The following CACNA1D variants were observed in gnomAD, a reference collection of about 807,000 sequenced individuals.
CACNA1D encodes the protein voltage-dependent L-type calcium channel subunit alpha-1D.
Under a neutral mutation model 257.1 loss-of-function variants are expected in CACNA1D, and 55 were observed. The ratio of observed to expected loss-of-function variants is 0.21; its 90% confidence interval spans 0.17 to 0.27. CACNA1D has a LOEUF of 0.27. Among genes scored for constraint, CACNA1D ranks in the 10% least tolerant of loss-of-function variants. The pLI is 1.00. For missense variants in CACNA1D, 1,876 were observed against 2,784.0 expected (o/e 0.67, Z 7.34); for synonymous variants, 980 against 1,014.9 (o/e 0.97, Z 0.65).
intron 8 of CACNA1D, among the ~76,000 whole-genome samples, chr3:53,682,556 TAAA>T (rs56756710): frequency 6.9e-6 from 1 of 144,106 alleles, no homozygotes. Flanking sequence ...GACCCTGTCT[TAAA>T]AAAAAAAAAG....
At position 53,723,716 on chromosome 3, in the gene CACNA1D, C is replaced by T; in HGVS notation, c.1892+57C>T. On this transcript the variant is annotated intron_variant, in intron 13 of 47. Transcript: ENST00000350061. The surrounding 1 kb of genome is among the most constrained non-coding windows in gnomAD (Gnocchi z 5.6). ...TTATGAACATGAGGCGGCAACCAGT[C>T]ACATCCCCGGGCAGGTGATGTTCTG... 1 of 1,582,968 alleles carries T rather than the reference C, an allele frequency of 6.3e-7. No individual in the cohort carries two copies. The highest frequency in any genetic ancestry group is 1.3e-5 in the African/African-American group (1 of 74,400).
At chr3:53,681,111 A>T (rs1020535508) in intron 8 of CACNA1D, among the ~76,000 whole-genome samples, 3 of 152,234 alleles carry the variant, frequency 2.0e-5, no homozygotes, top group African/African-American at 7.2e-5. Context: ...GTGAGATGAG[A>T]GGCATGGAAT....
chr3:53,584,998 G>C (rs975196068), intron 3 of CACNA1D, among the ~76,000 whole-genome samples: 1 of 150,980 alleles, frequency 6.6e-6, no homozygotes, highest in Non-Finnish European at 1.5e-5. Flanking sequence ...AGCTTAATTC[G>C]TGCCTTTTCT....
intron 15 of CACNA1D, among the ~76,000 whole-genome samples, chr3:53,727,517 G>C (rs1330762226): frequency 1.3e-5 from 2 of 152,166 alleles, no homozygotes; most frequent in African/African-American, 4.8e-5. Flanking sequence ...AAATCATGCT[G>C]CATAACTTCT....
At chr3:53,556,039 C>T (rs2092639667) in intron 3 of CACNA1D, among the ~76,000 whole-genome samples, 1 of 152,180 alleles carries the variant, frequency 6.6e-6, no homozygotes, top group South Asian at 2.1e-4. Flanking sequence ...ATAGTTTTGT[C>T]ATTTCCAGAA....
intron 14 of CACNA1D, among the ~76,000 whole-genome samples, chr3:53,726,182 G>A (rs2094932807): frequency 6.6e-6 from 1 of 151,692 alleles, no homozygotes. Flanking sequence ...ACTTTGCATA[G>A]CATGATATCC....
chr3:53,515,316 G>A (rs2107283374), intron 3 of CACNA1D, among the ~76,000 whole-genome samples: 1 of 152,256 alleles, frequency 6.6e-6, no homozygotes, highest in East Asian at 1.9e-4. Context: ...AGGAAATAAA[G>A]CAGGAGCTAA....
Position 53,808,452 on chromosome 3 carries a change from A to AC in CACNA1D, c.5750-196dup. ...AAGTAGTAAGTTTGTACTTTAAAAA[A>AC]CATCCCTCACTGGGGCTTCTGCCTT... On this transcript the variant is annotated intron_variant, in intron 45 of 47. Transcript: ENST00000350061. 10 of 624,402 alleles carry AC rather than the reference A, an allele frequency of 1.6e-5. No homozygotes were observed. In the South Asian group the frequency reaches 1.9e-4, roughly 12 times the overall value. 38.7% of individuals were successfully genotyped at this position (624,402 alleles called of 1,614,324 possible). A position where few individuals can be genotyped will look rare whatever the true frequency, so the allele number is the denominator to read the frequency against.
chr3:53,540,363 CAA>C (rs2092265378), intron 3 of CACNA1D, among the ~76,000 whole-genome samples: 1 of 151,648 alleles, frequency 6.6e-6, no homozygotes, highest in East Asian at 1.9e-4. Flanking sequence ...TGACCTCAAG[CAA>C]TCTGCCCACC....
intron 3 of CACNA1D, among the ~76,000 whole-genome samples, chr3:53,621,341 G>A (rs2093694612): frequency 6.6e-6 from 1 of 151,222 alleles, no homozygotes; most frequent in East Asian, 1.9e-4. Context: ...GCCTGGGCGA[G>A]CTCCACAGAG....
chr3:53,653,135 C>T (rs540949330), intron 4 of CACNA1D, among the ~76,000 whole-genome samples: 65 of 152,250 alleles, frequency 4.3e-4, no homozygotes, highest in Non-Finnish European at 5.7e-4. Context: ...CCTGTAATCC[C>T]GGCTACATGG....
chr3:53,543,091 TAAA>T (rs202132960), intron 3 of CACNA1D, among the ~76,000 whole-genome samples: 1 of 96,034 alleles, frequency 1.0e-5, no homozygotes, highest in Non-Finnish European at 2.3e-5. Flanking sequence ...ATAATAAAAT[TAAA>T]AAAAAAAAAA....
rs2090287802 is a variant in CACNA1D at position 53,495,078 on chromosome 3, C to T, written c.-89C>T. On this transcript the variant is annotated 5_prime_UTR_variant, in exon 1 of 48. Transcript: ENST00000350061. The surrounding 1 kb of genome is among the most constrained non-coding windows in gnomAD (Gnocchi z 5.1). ...TAAGGGCAGGGACCGCGGCTCCTAC[C>T]TCTTGGTGATCCCCTTCCCCATTCC... is the stretch of plus-strand genomic sequence containing the variant. 4 of 942,572 alleles carry T rather than the reference C, an allele frequency of 4.2e-6. No homozygotes were observed. The highest frequency in any genetic ancestry group is 6.6e-6 in the Non-Finnish European group (4 of 609,470). The allele number at this position is 942,572 out of a possible 1,614,324, so 58.4% of individuals were successfully genotyped here.
At chr3:53,563,415 T>C (rs911732248) in intron 3 of CACNA1D, among the ~76,000 whole-genome samples, 14 of 152,102 alleles carry the variant, frequency 9.2e-5, no homozygotes, top group African/African-American at 3.4e-4. Flanking sequence ...TCCCAGCTAC[T>C]TGGGAGGCTG....
At chr3:53,773,200 G>A (rs2095376438) in intron 33 of CACNA1D, among the ~76,000 whole-genome samples, 1 of 152,070 alleles carries the variant, frequency 6.6e-6, no homozygotes, top group African/African-American at 2.4e-5. Flanking sequence ...CAGATGCCAA[G>A]ACTGAAGAGA....
In CACNA1D at chr3:53,503,913, T is replaced by C. The variant is rs1462817382; in HGVS notation, c.483+2193T>C. On this transcript the variant is annotated intron_variant, in intron 3 of 47. Transcript: ENST00000350061. ...TCTTGCTTTCACTTGGGTGGTCACA[T>C]GGCCAGATGAATTTTTACTCTGCTT... Among the ~76,000 whole-genome samples the C allele has an allele frequency of 2.0e-5, 3 of 152,274 alleles. No individual in the cohort carries two copies. The East Asian group carries it at 5.8e-4, about 29-fold the overall frequency.
At chr3:53,569,899 A>G (rs2092913829) in intron 3 of CACNA1D, among the ~76,000 whole-genome samples, 1 of 152,218 alleles carries the variant, frequency 6.6e-6, no homozygotes, top group South Asian at 2.1e-4. Flanking sequence ...GATTTGGTTC[A>G]TAGGGCTCTT....
chr3:53,588,777 AT>A (rs2093259265), intron 3 of CACNA1D, among the ~76,000 whole-genome samples: 1 of 152,224 alleles, frequency 6.6e-6, no homozygotes, highest in Non-Finnish European at 1.5e-5. Context: ...CCAAGGAATC[AT>A]TCTGAAAGTT....
chr3:53,534,255 C>T (rs979628668), intron 3 of CACNA1D, among the ~76,000 whole-genome samples: 2 of 152,306 alleles, frequency 1.3e-5, no homozygotes, highest in South Asian at 4.1e-4. Context: ...CCTCGCCTCC[C>T]TGCCCCTCTC....
Sources: gnomAD v4.1 joint callset for allele counts (sites outside exome capture counted in the v4.1 genomes callset) on GRCh38, gnomAD v4.1.1 for gene constraint, Gnocchi (gnomAD v3.1) non-coding constraint, MANE v1.5 for transcripts, NCBI Gene and HGNC (gene_info 2026-07-23, HGNC 2026-07-21) for gene names.